PTPRZ1: variants seen among roughly 807,000 people sequenced by gnomAD.
PTPRZ1 encodes the protein receptor-type tyrosine-protein phosphatase zeta.
A neutral mutation model predicts 214.1 loss-of-function variants in PTPRZ1; 82 were observed. That is an observed-to-expected ratio of 0.38 (90% CI 0.32 to 0.46). PTPRZ1 has a LOEUF of 0.46. PTPRZ1 is among the 20% of genes least tolerant of loss of function. The probability of loss-of-function intolerance (pLI) is 1.00; values close to 1 mark genes in which losing one functional copy is unlikely to be tolerated. For missense variants in PTPRZ1, 2,603 were observed against 2,748.7 expected, an observed-to-expected ratio of 0.95 and a Z score of 1.19; for synonymous variants, 945 against 987.9, an observed-to-expected ratio of 0.96 and a Z score of 0.81.
Position 122,058,896 on chromosome 7 carries a change from AAAGAAG to A in PTPRZ1, c.6629_6634del (p.Glu2210_Glu2211del), listed in dbSNP as rs1366893511. 1 of 1,594,378 alleles carries A rather than the reference AAAGAAG, an allele frequency of 6.3e-7. No homozygotes were observed. On this transcript the variant is annotated inframe_deletion, in exon 28 of 30. Transcript: ENST00000393386. ...AACTTTTGAACTTATAAGTGTTATAAAAGAAGAAGCTGCCAATAGGGATGGGCCTAT... is the reference window on the plus strand; with the variant it reads ...AACTTTTGAACTTATAAGTGTTATAAAAGCTGCCAATAGGGATGGGCCTAT...
intron 15 of PTPRZ1, among the ~76,000 whole-genome samples, chr7:122,032,911 C>T (rs552197445): frequency 5.9e-5 from 9 of 152,018 alleles, no homozygotes; most frequent in African/African-American, 2.2e-4. Flanking sequence ...CTAGAGGTTA[C>T]GCATGCTATA....
intron 1 of PTPRZ1, among the ~76,000 whole-genome samples, chr7:121,883,690 G>A (rs553193313): frequency 5.9e-5 from 9 of 152,266 alleles, no homozygotes; most frequent in Admixed American, 3.3e-4. Context: ...GCAATGGTGC[G>A]ATCTTGGCTC....
chr7:121,897,395 C>T (rs2116245034), intron 1 of PTPRZ1, among the ~76,000 whole-genome samples: 1 of 152,312 alleles, frequency 6.6e-6, no homozygotes, highest in Admixed American at 6.5e-5. Flanking sequence ...AACATGACTT[C>T]TTCAAAGCCA....
chr7:121,982,486 A>G (rs917714601), intron 6 of PTPRZ1, among the ~76,000 whole-genome samples: 2 of 152,168 alleles, frequency 1.3e-5, no homozygotes, highest in African/African-American at 4.8e-5. Flanking sequence ...CAACACCTTC[A>G]CAATACTGAC....
At chr7:121,893,629 A>G (rs1794703026) in intron 1 of PTPRZ1, among the ~76,000 whole-genome samples, 1 of 152,250 alleles carries the variant, frequency 6.6e-6, no homozygotes. Context: ...GTGCTCAGGT[A>G]AACAATTTGT....
At chr7:121,945,462 T>G (rs1380904491) in intron 2 of PTPRZ1, among the ~76,000 whole-genome samples, 1 of 152,218 alleles carries the variant, frequency 6.6e-6, no homozygotes, top group Non-Finnish European at 1.5e-5. Flanking sequence ...GTAATTTTTT[T>G]GGTACATTTT....
At chr7:121,904,251 T>C (rs1011475634) in intron 1 of PTPRZ1, among the ~76,000 whole-genome samples, 1 of 151,904 alleles carries the variant, frequency 6.6e-6, no homozygotes. Flanking sequence ...GATTGAGCCG[T>C]TTTTCAAGTA....
chr7:122,011,830 T>C lies in PTPRZ1; in HGVS notation c.2784T>C (p.Tyr928=), dbSNP rs1798675717. 1 of 1,613,964 alleles carries C rather than the reference T, an allele frequency of 6.2e-7. No homozygotes were observed. Residue 928 remains tyrosine, a synonymous_variant, in exon 12 of 30, where the codon TAT becomes TAC. Transcript: ENST00000393386. Reference sequence around the variant, plus strand: ...GTTCTTCAGGGCCTGAACCTTCTTATGCCTTGTCTGATAATGAGGGCTCCC... The same window carrying C: ...GTTCTTCAGGGCCTGAACCTTCTTACGCCTTGTCTGATAATGAGGGCTCCC... ...HARSSGPEPS[Y]ALSDNEGSQH...
intron 1 of PTPRZ1, among the ~76,000 whole-genome samples, chr7:121,926,651 G>T (rs756444641): frequency 1.1e-4 from 17 of 152,166 alleles, no homozygotes; most frequent in Non-Finnish European, 2.1e-4. Flanking sequence ...GGGGATGGGC[G>T]TGGGTGTGGG....
chr7:121,994,114 A>G (rs1798057118), intron 8 of PTPRZ1, among the ~76,000 whole-genome samples: 1 of 152,160 alleles, frequency 6.6e-6, no homozygotes, highest in South Asian at 2.1e-4. Context: ...ATGTTGATTC[A>G]TAAATTTTGA....
intron 1 of PTPRZ1, among the ~76,000 whole-genome samples, chr7:121,887,912 G>A (rs1013301455): frequency 2.0e-5 from 3 of 152,010 alleles, no homozygotes; most frequent in Non-Finnish European, 4.4e-5. Context: ...ATTTCTCTCA[G>A]TTCCTTTTAT....
At chr7:121,907,596 C>A (rs1330537116) in intron 1 of PTPRZ1, among the ~76,000 whole-genome samples, 2 of 151,714 alleles carry the variant, frequency 1.3e-5, no homozygotes, top group African/African-American at 2.4e-5. Flanking sequence ...TAGAAAATAT[C>A]CTCAATTTTT....
chr7:122,058,552 G>A (rs959780367), intron 27 of PTPRZ1, among the ~76,000 whole-genome samples: 9 of 152,060 alleles, frequency 5.9e-5, no homozygotes, highest in African/African-American at 1.9e-4. Flanking sequence ...TTCACCCACA[G>A]ATAGAGTTTA....
chr7:121,884,727 G>A (rs1472910056), intron 1 of PTPRZ1, among the ~76,000 whole-genome samples: 1 of 152,092 alleles, frequency 6.6e-6, no homozygotes, highest in Non-Finnish European at 1.5e-5. Flanking sequence ...AGTTAATCTG[G>A]TTACAGATAT....
intron 2 of PTPRZ1, among the ~76,000 whole-genome samples, chr7:121,945,081 G>GA (rs1479070922): frequency 6.6e-6 from 1 of 152,132 alleles, no homozygotes; most frequent in African/African-American, 2.4e-5. Context: ...GGATTTATTT[G>GA]AAAATCTCAT....
Position 121,984,040 on chromosome 7 carries a change from AT to A in PTPRZ1, c.855del (p.Arg286GlufsTer57), listed in dbSNP as rs766716625. On this transcript the variant is annotated frameshift_variant, in exon 8 of 30. Coordinates refer to ENST00000393386, the MANE Select transcript of PTPRZ1 (RefSeq NM_002851.3). LOFTEE classifies it high-confidence loss of function. ...ATGCTGATGGACTACTTACAAAACA[AT>A]TTTCGAGAGCAACAGTACAAGTTCT... ...YVMLMDYLQN[N>X]FREQQYKFSR... is the part of the protein sequence containing the mutation. The A allele has an allele frequency of 6.2e-7, 1 of 1,613,642 alleles. No individual in the cohort carries two copies. The highest frequency in any genetic ancestry group is 8.5e-7 in the Non-Finnish European group (1 of 1,179,708).
chr7:121,908,411 A>AT (rs1386873233), intron 1 of PTPRZ1: 1 of 375,924 alleles, frequency 2.7e-6, no homozygotes, highest in Admixed American at 3.7e-5. Flanking sequence ...ATTTTATCCT[A>AT]TTTTTTCTCT....
intron 11 of PTPRZ1, among the ~76,000 whole-genome samples, chr7:122,008,569 C>T (rs1289103109): frequency 6.6e-6 from 1 of 151,878 alleles, no homozygotes; most frequent in African/African-American, 2.4e-5. Flanking sequence ...TTGGTTGGTC[C>T]CTGTTTTTAT....
chr7:121,939,964 T>C (rs539057160), intron 2 of PTPRZ1, among the ~76,000 whole-genome samples: 1 of 152,102 alleles, frequency 6.6e-6, no homozygotes, highest in African/African-American at 2.4e-5. Context: ...TCAACATGGG[T>C]GAAAAATTGT....
Sources: gnomAD v4.1 joint callset for allele counts (sites outside exome capture counted in the v4.1 genomes callset) on GRCh38, gnomAD v4.1.1 for gene constraint, MANE v1.5 for transcripts, NCBI Gene and HGNC (gene_info 2026-07-23, HGNC 2026-07-21) for gene names.